TBCA: variants seen among roughly 807,000 people sequenced by gnomAD.
TBCA encodes tubulin folding cofactor A.
In TBCA, 6 loss-of-function variants were observed where a neutral mutation model predicts 15.8. The ratio of observed to expected loss-of-function variants is 0.38; its 90% CI spans 0.21 to 0.75. The LOEUF is 0.75. Ranked by LOEUF, TBCA falls within the 30% of genes least tolerant of loss-of-function variation. TBCA has a pLI of 0.46. For synonymous variants in TBCA, 32 were observed against 42.3 expected, an observed-to-expected ratio of 0.76 and a Z score of 0.94; for missense variants, 90 against 131.2, an observed-to-expected ratio of 0.69 and a Z score of 1.53.
chr5:77,737,013 AG>A (rs1746924634), intron 1 of TBCA, among the ~76,000 whole-genome samples: 1 of 152,242 alleles, frequency 6.6e-6, no homozygotes, highest in African/African-American at 2.4e-5. Context: ...TCTGGAATCT[AG>A]AAAAGACTTT....
At chr5:77,703,868 G>A (rs961173387) in intron 2 of TBCA, among the ~76,000 whole-genome samples, 1 of 152,154 alleles carries the variant, frequency 6.6e-6, no homozygotes, top group African/African-American at 2.4e-5. Flanking sequence ...GTTAGGGAGG[G>A]ACCTGGTGGG....
At chr5:77,715,284 T>C (rs765041601) in intron 1 of TBCA, 3 of 702,178 alleles carry the variant, frequency 4.3e-6, no homozygotes, top group Admixed American at 4.0e-5. Flanking sequence ...AAAGAAGCCA[T>C]GAAACCAGGA....
At chr5:77,747,714 T>G (rs1486630279) in intron 1 of TBCA, among the ~76,000 whole-genome samples, 5 of 152,172 alleles carry the variant, frequency 3.3e-5, no homozygotes, top group Non-Finnish European at 7.4e-5. Context: ...TTTTAAAGTT[T>G]TTTCTGCTTC....
At chr5:77,721,558 G>A (rs1746529523) in intron 1 of TBCA, among the ~76,000 whole-genome samples, 1 of 152,040 alleles carries the variant, frequency 6.6e-6, no homozygotes, top group South Asian at 2.1e-4. Flanking sequence ...CGTATACACT[G>A]ATTTGGTATA....
At chr5:77,693,014 TA>T (rs1345315449) in intron 3 of TBCA, 1 of 1,422,736 alleles carries the variant, frequency 7.0e-7, no homozygotes, top group African/African-American at 1.4e-5. Context: ...GGTACTATCA[TA>T]ACTTAAATAA....
intron 1 of TBCA, among the ~76,000 whole-genome samples, chr5:77,728,061 A>G (rs186589330): frequency 9.9e-4 from 151 of 152,286 alleles, no homozygotes; most frequent in African/African-American, 3.3e-3. Context: ...AGCAAAGATA[A>G]ATATTTAGTA....
intron 1 of TBCA, among the ~76,000 whole-genome samples, chr5:77,763,010 G>A (rs1448525691): frequency 1.2e-4 from 18 of 152,302 alleles, no homozygotes; most frequent in African/African-American, 2.6e-4. Flanking sequence ...TTGGGAGGCC[G>A]AGGCAGGCGG....
Position 77,691,453 on chromosome 5 carries a change from G to A in TBCA, c.292C>T (p.Arg98Cys), listed in dbSNP as rs757988241. 38 of 1,596,596 alleles carry A rather than the reference G, an allele frequency of 2.4e-5. No homozygotes were observed. Among genetic ancestry groups the A allele is most frequent in the Admixed American group, 3.6e-5 (2 of 55,022 alleles). Residue 98 changes from arginine (R) to cysteine (C), a missense_variant, in exon 4 of 4, where the codon CGT becomes TGT. By Grantham distance (180) the Arg-to-Cys change is radical. Transcript: ENST00000380377. ...AACTTCACTGAATCCAGTACTAAAC[G>A]TGCTTCTTTATATTCCTCAGCTTCT... ...LEEAEEYKEA[R>C]LVLDSVKLEA
At chr5:77,773,861 G>A (rs919515104) in intron 1 of TBCA, among the ~76,000 whole-genome samples, 4 of 152,188 alleles carry the variant, frequency 2.6e-5, no homozygotes, top group Non-Finnish European at 4.4e-5. Flanking sequence ...TCAGAAGGCT[G>A]TTTATCTTTT....
At chr5:77,751,343 T>C (rs1448184374) in intron 1 of TBCA, among the ~76,000 whole-genome samples, 3 of 151,892 alleles carry the variant, frequency 2.0e-5, no homozygotes, top group Non-Finnish European at 4.4e-5. Context: ...TTGTATTTTT[T>C]AGTAAAGACA....
chr5:77,707,615 G>A (rs1025044467), intron 2 of TBCA, among the ~76,000 whole-genome samples: 1 of 152,120 alleles, frequency 6.6e-6, no homozygotes. Context: ...AAATCAAGAA[G>A]AGCCTTGTAT....
intron 1 of TBCA, among the ~76,000 whole-genome samples, chr5:77,735,475 T>C (rs1389730827): frequency 6.6e-6 from 1 of 152,144 alleles, no homozygotes; most frequent in Non-Finnish European, 1.5e-5. Flanking sequence ...GTAATTAATA[T>C]GATTTAAATA....
At chr5:77,741,017 C>T (rs1747018364) in intron 1 of TBCA, among the ~76,000 whole-genome samples, 1 of 152,064 alleles carries the variant, frequency 6.6e-6, no homozygotes, top group African/African-American at 2.4e-5. Flanking sequence ...ATCACTGTAA[C>T]AAGAAAACAG....
chr5:77,723,144 G>A (rs182109023), intron 1 of TBCA, among the ~76,000 whole-genome samples: 1 of 151,364 alleles, frequency 6.6e-6, no homozygotes. Context: ...GATGAAATGG[G>A]TTTTTTTAAA....
chr5:77,757,146 C>G (rs1489280703), intron 1 of TBCA, among the ~76,000 whole-genome samples: 1 of 152,130 alleles, frequency 6.6e-6, no homozygotes, highest in Non-Finnish European at 1.5e-5. Flanking sequence ...CTGACCACGT[C>G]AGGTAGAGTT....
At chr5:77,737,310 CG>C (rs1561275676) in intron 1 of TBCA, among the ~76,000 whole-genome samples, 1 of 152,130 alleles carries the variant, frequency 6.6e-6, no homozygotes, top group African/African-American at 2.4e-5. Flanking sequence ...CTTACTGAAA[CG>C]AAAGGCTTGC....
At position 77,747,398 on chromosome 5, in the gene TBCA, T is replaced by C. The variant is rs572386524; in HGVS notation, c.53+28807A>G. Among the ~76,000 whole-genome samples the C allele has an allele frequency of 2.9e-4, 44 of 152,280 alleles. 1 individual carries two copies. Among genetic ancestry groups the C allele is most frequent in the South Asian group, 1.7e-3 (8 of 4,830 alleles). On this transcript the variant is annotated intron_variant, in intron 1 of 3. Coordinates refer to ENST00000380377, the MANE Select transcript of TBCA (RefSeq NM_004607.3). Reference sequence around the variant, plus strand: ...AACGTAATATAAAATATTTACTACATTAAGAACTCTTAAAGACTACATAGA... The same window carrying C: ...AACGTAATATAAAATATTTACTACACTAAGAACTCTTAAAGACTACATAGA...
At chr5:77,748,013 C>T (rs1747229300) in intron 1 of TBCA, among the ~76,000 whole-genome samples, 1 of 152,086 alleles carries the variant, frequency 6.6e-6, no homozygotes, top group South Asian at 2.1e-4. Context: ...TATGCAAAGC[C>T]TCTTGAGATC....
intron 1 of TBCA, among the ~76,000 whole-genome samples, chr5:77,744,535 T>TTC (rs1747134591): frequency 7.5e-6 from 1 of 133,364 alleles, no homozygotes; most frequent in African/African-American, 2.9e-5. Context: ...ATTCACCTTT[T>TTC]TTTTTTTTTT....
Sources: allele counts gnomAD v4.1 joint callset (sites outside exome capture counted in the v4.1 genomes callset), GRCh38; gene constraint gnomAD v4.1.1; transcripts MANE v1.5; gene names NCBI Gene and HGNC (gene_info 2026-07-23, HGNC 2026-07-21).